Variants in FBXW11 observed in about 807,000 individuals in gnomAD.
FBXW11 encodes F-box/WD repeat-containing protein 11.
FBXW11 carries 19 observed loss-of-function variants against 77.6 expected under a neutral mutation model. That is an observed-to-expected ratio of 0.24 (90% CI 0.17 to 0.36). The LOEUF is 0.36. Ranked by LOEUF, FBXW11 falls within the 10% of genes least tolerant of loss-of-function variation. FBXW11 has a pLI of 1.00. For synonymous variants in FBXW11, 235 were observed against 249.4 expected, an observed-to-expected ratio of 0.94 and a Z score of 0.54; for missense variants, 334 against 704.2, an observed-to-expected ratio of 0.47 and a Z score of 5.95.
intron 2 of FBXW11, among the ~76,000 whole-genome samples, chr5:171,920,144 CAG>C: frequency 1.3e-5 from 2 of 152,062 alleles, no homozygotes; most frequent in Middle Eastern, 6.8e-3. Flanking sequence ...GTCTGGGCAA[CAG>C]AGCGAGACTC....
chr5:171,972,873 G>C (rs913760120), intron 1 of FBXW11, among the ~76,000 whole-genome samples: 3 of 152,140 alleles, frequency 2.0e-5, no homozygotes, highest in Non-Finnish European at 2.9e-5. Flanking sequence ...CCAGTTGTTA[G>C]TGCCATGAAA....
At chr5:171,943,857 A>G (rs1249765322) in intron 2 of FBXW11, among the ~76,000 whole-genome samples, 3 of 152,248 alleles carry the variant, frequency 2.0e-5, no homozygotes, top group Non-Finnish European at 4.4e-5. Flanking sequence ...GCATGCTACT[A>G]AATTATACAG....
chr5:171,945,288 T>C (rs971679899), intron 2 of FBXW11, among the ~76,000 whole-genome samples: 1 of 152,216 alleles, frequency 6.6e-6, no homozygotes, highest in Non-Finnish European at 1.5e-5. Context: ...TATTGCGTAA[T>C]TGACCTGGGA....
chr5:171,961,342 C>T lies in FBXW11; in HGVS notation c.46-3644G>A, dbSNP rs116863020. ...TGTTGTTTTCCATTTGGTAAGAACA[C>T]AGACAGTGGTTAAAAAGTATTACAA... On this transcript the variant is annotated intron_variant, in intron 1 of 13. Coordinates refer to ENST00000517395, the MANE Select transcript of FBXW11 (RefSeq NM_001378974.1). Among the ~76,000 whole-genome samples the T allele has an allele frequency of 1.2e-4, 19 of 152,334 alleles. No homozygotes were observed. The East Asian group carries it at 3.7e-3, about 29-fold the overall frequency.
At chr5:171,868,485 C>A in intron 13 of FBXW11, 125 bp downstream of exon 13, 1 of 714,848 alleles carries the variant, frequency 1.4e-6, no homozygotes, top group Non-Finnish European at 2.3e-6. Flanking sequence ...TTGAACTCTG[C>A]AAAAGTTGAC....
chr5:171,918,445 C>A (rs1283409779), intron 2 of FBXW11, among the ~76,000 whole-genome samples: 1 of 152,122 alleles, frequency 6.6e-6, no homozygotes, highest in East Asian at 1.9e-4. Context: ...AAAGAAAGGT[C>A]ATTTCCTATA....
intron 1 of FBXW11, among the ~76,000 whole-genome samples, chr5:171,981,249 G>A (rs1226272730): frequency 6.6e-6 from 1 of 151,996 alleles, no homozygotes; most frequent in East Asian, 1.9e-4. Flanking sequence ...AGAGACAGAA[G>A]CTCCTGCACC....
chr5:171,912,818 G>A (rs1219439524), intron 3 of FBXW11, among the ~76,000 whole-genome samples: 2 of 152,002 alleles, frequency 1.3e-5, no homozygotes, highest in African/African-American at 2.4e-5. Context: ...GCTGAGGCAG[G>A]AGAAATGCTT....
At chr5:171,877,969 G>A in intron 8 of FBXW11, 42 bp downstream of exon 8, 2 of 1,436,950 alleles carry the variant, frequency 1.4e-6, no homozygotes, top group South Asian at 1.2e-5. Context: ...ACTTTCTCAG[G>A]GAAGGCTTAC....
At chr5:171,905,611 G>C (rs1760454116) in intron 4 of FBXW11, among the ~76,000 whole-genome samples, 1 of 123,898 alleles carries the variant, frequency 8.1e-6, no homozygotes, top group African/African-American at 3.1e-5. Context: ...TTATTTTCTT[G>C]GTATAAGTCT....
intron 2 of FBXW11, among the ~76,000 whole-genome samples, chr5:171,949,466 A>G (rs927727499): frequency 6.6e-6 from 1 of 152,228 alleles, no homozygotes; most frequent in African/African-American, 2.4e-5. Context: ...GAAGAATATT[A>G]TAAGAAAGGA....
At chr5:171,913,526 C>G (rs1761017596) in intron 3 of FBXW11, among the ~76,000 whole-genome samples, 1 of 152,114 alleles carries the variant, frequency 6.6e-6, no homozygotes, top group South Asian at 2.1e-4. Context: ...TTTCAATATG[C>G]TATTTCCAGC....
chr5:171,968,802 C>T (rs1338743198), intron 1 of FBXW11, among the ~76,000 whole-genome samples: 2 of 152,170 alleles, frequency 1.3e-5, no homozygotes, highest in Non-Finnish European at 2.9e-5. Flanking sequence ...CTGGCTGCAT[C>T]GCTTCCTGCT....
chr5:171,905,787 A>G (rs77109276), intron 4 of FBXW11, among the ~76,000 whole-genome samples: 4,156 of 152,248 alleles, frequency 0.027, 73 homozygotes, highest in Non-Finnish European at 0.044. Context: ...CCTGGGCTAA[A>G]AAGTGCTTTG....
intron 2 of FBXW11, among the ~76,000 whole-genome samples, chr5:171,945,475 T>C (rs1762960572): frequency 1.3e-5 from 2 of 152,194 alleles, no homozygotes; most frequent in Non-Finnish European, 2.9e-5. Context: ...CTCAGTTCAG[T>C]TTCCTCACAT....
intron 7 of FBXW11, among the ~76,000 whole-genome samples, chr5:171,887,006 G>A (rs576847823): frequency 2.6e-5 from 4 of 151,992 alleles, no homozygotes; most frequent in East Asian, 1.9e-4. Flanking sequence ...GTGACAGAGC[G>A]AGACTCTGTC....
chr5:171,978,798 G>T (rs983199359), intron 1 of FBXW11, among the ~76,000 whole-genome samples: 4 of 152,186 alleles, frequency 2.6e-5, no homozygotes, highest in Admixed American at 6.5e-5. Flanking sequence ...GCACCTAGAA[G>T]CAGCAGAGCA....
intron 7 of FBXW11, among the ~76,000 whole-genome samples, chr5:171,889,462 A>T (rs1187565292): frequency 1.1e-4 from 15 of 141,142 alleles, no homozygotes; most frequent in Non-Finnish European, 2.1e-4. Context: ...CAGGAGGTGG[A>T]GGTTGCAGTG....
chr5:171,926,529 G>A (rs2114012606), intron 2 of FBXW11, among the ~76,000 whole-genome samples: 1 of 152,272 alleles, frequency 6.6e-6, no homozygotes, highest in Non-Finnish European at 1.5e-5. Context: ...GCATGAGTGA[G>A]TGAGTTCTCA....
Sources: allele counts gnomAD v4.1 joint callset (sites outside exome capture counted in the v4.1 genomes callset), GRCh38; gene constraint gnomAD v4.1.1; transcripts MANE v1.5; gene names NCBI Gene and HGNC (gene_info 2026-07-23, HGNC 2026-07-21).